The following SH3PXD2B variants were observed in gnomAD, a reference collection of about 807,000 sequenced individuals.
SH3PXD2B encodes SH3 and PX domains 2B.
A neutral mutation model predicts 73.1 loss-of-function variants in SH3PXD2B; 37 were observed. That is an observed-to-expected ratio of 0.51 (90% CI 0.39 to 0.67). The LOEUF (loss-of-function observed/expected upper bound fraction) is 0.67, where lower values mean the gene tolerates loss of function less well. Ranked by LOEUF, SH3PXD2B falls within the 30% of genes least tolerant of loss-of-function variation. The pLI, the probability that SH3PXD2B is intolerant of heterozygous loss-of-function variation, is 0.00. For missense variants in SH3PXD2B, 1,053 were observed against 1,197.8 expected, an observed-to-expected ratio of 0.88 and a Z score of 1.78; for synonymous variants, 457 against 480.5, an observed-to-expected ratio of 0.95 and a Z score of 0.64.
At chr5:172,366,632 TTTTA>T (rs1757532930) in intron 6 of SH3PXD2B, among the ~76,000 whole-genome samples, 1 of 151,994 alleles carries the variant, frequency 6.6e-6, no homozygotes, top group Non-Finnish European at 1.5e-5. Context: ...TTTTATTTTA[TTTTA>T]TTTATTTATT....
intron 6 of SH3PXD2B, among the ~76,000 whole-genome samples, chr5:172,373,187 G>A (rs1304240452): frequency 6.6e-6 from 1 of 152,188 alleles, no homozygotes; most frequent in South Asian, 2.1e-4. Context: ...GGGGTCTGGC[G>A]CCAAGGATGT....
At chr5:172,368,564 A>G (rs1757604168) in intron 6 of SH3PXD2B, among the ~76,000 whole-genome samples, 5 of 23,894 alleles carry the variant, frequency 2.1e-4, no homozygotes, top group Admixed American at 9.0e-4. Context: ...TTATATATAT[A>G]TAAAATATGT....
chr5:172,385,376 G>C (rs903356687), intron 4 of SH3PXD2B, among the ~76,000 whole-genome samples: 1 of 152,302 alleles, frequency 6.6e-6, no homozygotes, highest in East Asian at 1.9e-4. Flanking sequence ...CCCTGGGAAG[G>C]CTGGCCCATT....
chr5:172,336,426 A>G lies in SH3PXD2B; in HGVS notation c.*1943T>C, dbSNP rs1265817623. The G allele has an allele frequency of 1.0e-6, 1 of 985,880 alleles. No individual in the cohort carries two copies. Among genetic ancestry groups the G allele is most frequent in the East Asian group, 1.1e-4 (1 of 8,826 alleles). The allele number at this position is 985,880 out of a possible 1,614,324, so 61.1% of individuals were successfully genotyped here. On this transcript the variant is annotated 3_prime_UTR_variant, in exon 13 of 13. Coordinates refer to ENST00000311601, the MANE Select transcript of SH3PXD2B (RefSeq NM_001017995.3). The stretch of plus-strand genomic sequence containing the variant: ...CCAAGTGGCAAGTGGGCCCTGCCCA[A>G]GCCTCTCTGGGAAATGGGATTTGCA...
chr5:172,423,984 C>T (rs1462633337), intron 1 of SH3PXD2B, among the ~76,000 whole-genome samples: 2 of 152,094 alleles, frequency 1.3e-5, no homozygotes. Flanking sequence ...AAGCCAAGCT[C>T]TTCTCCTGAG....
At chr5:172,365,450 T>C (rs1757493260) in intron 6 of SH3PXD2B, among the ~76,000 whole-genome samples, 1 of 152,186 alleles carries the variant, frequency 6.6e-6, no homozygotes, top group Non-Finnish European at 1.5e-5. Flanking sequence ...TGAGAAAAGA[T>C]AAGATGACGG....
intron 3 of SH3PXD2B, among the ~76,000 whole-genome samples, chr5:172,398,503 G>A (rs183565853): frequency 1.4e-3 from 210 of 152,190 alleles, no homozygotes; most frequent in Non-Finnish European, 2.3e-3. Context: ...TTTAATTGCT[G>A]CCCCCACTGA....
intron 6 of SH3PXD2B, among the ~76,000 whole-genome samples, chr5:172,367,636 T>C (rs886526692): frequency 1.3e-5 from 2 of 152,238 alleles, no homozygotes; most frequent in Non-Finnish European, 2.9e-5. Flanking sequence ...TCCTGAGTTT[T>C]GGCAGGGCAC....
rs6884671 is a variant in SH3PXD2B at position 172,350,101 on chromosome 5, T to C, written c.1012+262A>G. On this transcript the variant is annotated intron_variant, in intron 10 of 12. Transcript: ENST00000311601. ...AACTCCTGACCTCAGGTGATCGGCCTGCCTCGGCCTCCCAAAGTGCTGGGA... is the reference window on the plus strand; with the variant it reads ...AACTCCTGACCTCAGGTGATCGGCCCGCCTCGGCCTCCCAAAGTGCTGGGA... Among the ~76,000 whole-genome samples the C allele has an allele frequency of 0.24, 36,098 of 152,032 alleles. 4,585 individuals are homozygous for C. Among genetic ancestry groups the C allele is most frequent in the East Asian group, 0.31 (1,606 of 5,154 alleles).
At chr5:172,383,093 G>T (rs1757985290) in intron 4 of SH3PXD2B, among the ~76,000 whole-genome samples, 1 of 152,108 alleles carries the variant, frequency 6.6e-6, no homozygotes, top group Admixed American at 6.6e-5. Flanking sequence ...ATTTTGTACA[G>T]CTGTGTCATA....
In SH3PXD2B at chr5:172,338,958, T is replaced by G. The variant is rs1419415861; in HGVS notation, c.2147A>C (p.Gln716Pro). Reference sequence around the variant, plus strand: ...AATCTCTTTTGGGCTGAGACCATCCTGTTTGCCCGTCCTGTCCTGGGCGCG... The same window carrying G: ...AATCTCTTTTGGGCTGAGACCATCCGGTTTGCCCGTCCTGTCCTGGGCGCG... Reference protein sequence around the residue: ...PGRAQDRTGKQDGLSPKEISC... With the variant: ...PGRAQDRTGKPDGLSPKEISC... Residue 716 changes from glutamine to proline, a missense_variant, in exon 13 of 13, where the codon CAG becomes CCG. Around this residue, in one of 2 missense-constraint regions of SH3PXD2B, gnomAD observed 587 missense variants for 590.7 expected, o/e 0.99. Transcript: ENST00000311601. The surrounding 1 kb of genome is among the most constrained non-coding windows in gnomAD (Gnocchi z 5.1). The G allele has an allele frequency of 1.2e-6, 2 of 1,614,070 alleles. No individual in the cohort carries two copies. The highest frequency in any genetic ancestry group is 1.7e-5 in the Admixed American group (1 of 60,010).
At chr5:172,349,605 C>T (rs569491220) in intron 10 of SH3PXD2B, among the ~76,000 whole-genome samples, 69 of 152,308 alleles carry the variant, frequency 4.5e-4, no homozygotes, top group South Asian at 8.3e-4. Flanking sequence ...CACAGCACTC[C>T]CCAGGTTCAA....
At position 172,387,975 on chromosome 5, in the gene SH3PXD2B, G is replaced by A. The variant is rs77539806; in HGVS notation, c.310-5848C>T. The stretch of plus-strand genomic sequence containing the variant: ...GAAATGATTTCATGTGTGGTGTGAG[G>A]CAGGGATAAGTTATCTTTTTTGTTT... On this transcript the variant is annotated intron_variant, in intron 4 of 12. Coordinates refer to ENST00000311601, the MANE Select transcript of SH3PXD2B (RefSeq NM_001017995.3). Among the ~76,000 whole-genome samples, 1,248 of 152,242 alleles carry A rather than the reference G, an allele frequency of 8.2e-3. 13 individuals are homozygous for A. Among genetic ancestry groups the A allele is most frequent in the African/African-American group, 0.021 (887 of 41,542 alleles).
chr5:172,380,803 C>T lies in SH3PXD2B; in HGVS notation c.401+1233G>A, dbSNP rs567632213. Among the ~76,000 whole-genome samples the T allele has an allele frequency of 1.1e-4, 17 of 152,340 alleles. No homozygotes were observed. In the South Asian group the frequency reaches 2.3e-3, roughly 20 times the overall value. ...CCAAAACCACGCACTTCTGTGCGCT[C>T]ACTATGAGAAGCTGTGTTTACTCGC... On this transcript the variant is annotated intron_variant, in intron 5 of 12. Coordinates refer to ENST00000311601, the MANE Select transcript of SH3PXD2B (RefSeq NM_001017995.3).
rs757012551 is a variant in SH3PXD2B at position 172,406,303 on chromosome 5, T to C, written c.206A>G (p.Lys69Arg). ...TGGCAGAAAGGGGATGATCCGCTGC[T>C]TGGGGTCCTTCTGTCCTCCTTCCAT... is the stretch of plus-strand genomic sequence containing the variant. ...FPMEGGQKDP[K>R]QRIIPFLPGK... Residue 69 changes from lysine (K) to arginine (R), a missense_variant, in exon 3 of 13, where the codon AAG becomes AGG. Physicochemically the swap from Lys to Arg is conservative, Grantham distance 26. This residue lies in a region of SH3PXD2B where 466 missense variants were observed against 607.1 expected (regional missense o/e 0.77). Transcript: ENST00000311601. The C allele has an allele frequency of 3.1e-6, 5 of 1,614,136 alleles. No individual in the cohort carries two copies. In the South Asian group the frequency reaches 3.3e-5, roughly 11 times the overall value.
chr5:172,328,932 C>A (rs1183717683), downstream of SH3PXD2B, among the ~76,000 whole-genome samples: 2 of 151,492 alleles, frequency 1.3e-5, no homozygotes, highest in Admixed American at 1.3e-4. Flanking sequence ...TAAGAGTTTC[C>A]CACGTAACAA....
chr5:172,431,535 TA>T (rs753952521), intron 1 of SH3PXD2B, among the ~76,000 whole-genome samples: 1 of 152,252 alleles, frequency 6.6e-6, no homozygotes, highest in Non-Finnish European at 1.5e-5. Context: ...TTTGTGCAAC[TA>T]AAACAATTCC....
chr5:172,396,885 G>A (rs1016298414), intron 3 of SH3PXD2B, among the ~76,000 whole-genome samples: 1 of 152,084 alleles, frequency 6.6e-6, no homozygotes, highest in Non-Finnish European at 1.5e-5. Flanking sequence ...AGGTTGCAGT[G>A]AGCTGAGATC....
At position 172,338,656 on chromosome 5, in the gene SH3PXD2B, C is replaced by G. The variant is rs2113250970; in HGVS notation, c.2449G>C (p.Asp817His). 1 of 1,614,198 alleles carries G rather than the reference C, an allele frequency of 6.2e-7. No individual in the cohort carries two copies. The highest frequency in any genetic ancestry group is 1.7e-5 in the Admixed American group (1 of 60,028). Residue 817 changes from aspartate to histidine, a missense_variant, in exon 13 of 13, where the codon GAC (aspartate) becomes CAC (histidine). Physicochemically the swap from Asp to His is moderately conservative, Grantham distance 81. Coordinates refer to ENST00000311601, the MANE Select transcript of SH3PXD2B (RefSeq NM_001017995.3). This position sits in a 1 kb window ranked among gnomAD's most constrained non-coding sequence, Gnocchi z 5.1. ...CCCAGGCTGCCTTTGCCTCGCGTGT[C>G]ATCCTGGCCCCCCAAAGAGTTGGAG... Reference protein sequence around the residue: ...FLSNSLGGQDDTRGKGSLGPW... With the variant: ...FLSNSLGGQDHTRGKGSLGPW...
Sources: allele counts gnomAD v4.1 joint callset (sites outside exome capture counted in the v4.1 genomes callset), GRCh38; gene constraint gnomAD v4.1.1; regional missense constraint gnomAD v4.1.1; non-coding constraint Gnocchi (gnomAD v3.1); transcripts MANE v1.5; gene names NCBI Gene and HGNC (gene_info 2026-07-23, HGNC 2026-07-21).